Variants in DPH6 observed in about 807,000 individuals in gnomAD.
DPH6 encodes diphthine--ammonia ligase.
A neutral mutation model predicts 38.2 loss-of-function variants in DPH6; 33 were observed. That is an observed-to-expected ratio of 0.86 (90% CI 0.65 to 1.15). DPH6 has a LOEUF of 1.15. Ranked by LOEUF, DPH6 falls within the 50% of genes most tolerant of loss-of-function variation. The probability of loss-of-function intolerance (pLI) is 0.00; values close to 1 mark genes in which losing one functional copy is unlikely to be tolerated. For missense variants in DPH6, 325 were observed against 320.0 expected, an observed-to-expected ratio of 1.02 and a Z score of -0.12; for synonymous variants, 108 against 103.0, an observed-to-expected ratio of 1.05 and a Z score of -0.30.
chr15:35,385,534 T>A (rs188739125), intron 6 of DPH6, among the ~76,000 whole-genome samples: 81 of 152,196 alleles, frequency 5.3e-4, no homozygotes, highest in African/African-American at 1.9e-3. Flanking sequence ...AAACACTGCA[T>A]GTTCTCACTC....
intron 6 of DPH6, among the ~76,000 whole-genome samples, chr15:35,388,318 C>T (rs886934782): frequency 2.0e-5 from 3 of 152,080 alleles, no homozygotes; most frequent in African/African-American, 7.2e-5. Context: ...TTTGTGGTGT[C>T]TCTGCCAGGC....
At chr15:35,322,136 C>T (rs1388389947) in intron 3 of DPH6, among the ~76,000 whole-genome samples, 1 of 152,126 alleles carries the variant, frequency 6.6e-6, no homozygotes, top group African/African-American at 2.4e-5. Context: ...ATCTTAAAAA[C>T]CAATCTTAGC....
At chr15:35,325,496 C>T (rs1018695348) in intron 3 of DPH6, among the ~76,000 whole-genome samples, 1 of 152,106 alleles carries the variant, frequency 6.6e-6, no homozygotes, top group Non-Finnish European at 1.5e-5. Flanking sequence ...TTTACATCCA[C>T]AGTGCTGATT....
chr15:35,279,932 C>A (rs897312039), intron 3 of DPH6, among the ~76,000 whole-genome samples: 1 of 151,932 alleles, frequency 6.6e-6, no homozygotes, highest in African/African-American at 2.4e-5. Context: ...GGACTGATGA[C>A]CTTATATGAA....
the DPH6 span, among the ~76,000 whole-genome samples, chr15:35,188,487 A>G: frequency 3.9e-4 from 59 of 152,310 alleles, 1 homozygote; most frequent in South Asian, 0.012. Flanking sequence ...CAGAGGTCAA[A>G]CAGTACACTT....
chr15:35,192,250 A>C, the DPH6 span, among the ~76,000 whole-genome samples: 3 of 152,194 alleles, frequency 2.0e-5, no homozygotes, highest in Non-Finnish European at 2.9e-5. Flanking sequence ...AGCTCTGAGA[A>C]ACCTGTTTTC....
At chr15:35,390,758 A>G (rs2053043698) in intron 6 of DPH6, among the ~76,000 whole-genome samples, 3 of 151,988 alleles carry the variant, frequency 2.0e-5, no homozygotes, top group Admixed American at 2.0e-4. Context: ...TTTTTTTCAA[A>G]GTTTTTAACT....
At chr15:35,510,452 T>C (rs2054753919) in intron 3 of DPH6, among the ~76,000 whole-genome samples, 1 of 152,344 alleles carries the variant, frequency 6.6e-6, no homozygotes, top group East Asian at 1.9e-4. Context: ...TTTAAAAGCA[T>C]AACTGGAACA....
At chr15:35,537,300 G>C (rs539597869) in intron 3 of DPH6, among the ~76,000 whole-genome samples, 10 of 152,070 alleles carry the variant, frequency 6.6e-5, no homozygotes, top group Non-Finnish European at 1.5e-4. Flanking sequence ...TACCTTTGTA[G>C]AGGAAGGGAC....
At chr15:35,517,024 T>C (rs1299829065) in intron 3 of DPH6, among the ~76,000 whole-genome samples, 5 of 152,190 alleles carry the variant, frequency 3.3e-5, no homozygotes, top group Admixed American at 2.6e-4. Context: ...CATCATCACA[T>C]ACTTCAATAT....
chr15:35,272,333 G>A (rs557758048), intron 3 of DPH6, among the ~76,000 whole-genome samples: 59 of 152,242 alleles, frequency 3.9e-4, no homozygotes, highest in African/African-American at 1.2e-3. Context: ...GGTCCTGTAA[G>A]TTTTCCCCCA....
At chr15:35,155,830 G>A in the DPH6 span, among the ~76,000 whole-genome samples, 1 of 152,128 alleles carries the variant, frequency 6.6e-6, no homozygotes, top group African/African-American at 2.4e-5. Context: ...CTTATATGTA[G>A]AAATCACATT....
intron 3 of DPH6, among the ~76,000 whole-genome samples, chr15:35,337,293 C>T (rs8036384): frequency 0.36 from 55,109 of 151,856 alleles, 11,863 homozygotes; most frequent in African/African-American, 0.61. Context: ...GGTGGTGATA[C>T]CCCCTTTATC....
chr15:35,474,184 G>A (rs894340004), intron 3 of DPH6, among the ~76,000 whole-genome samples: 3 of 152,022 alleles, frequency 2.0e-5, no homozygotes, highest in African/African-American at 4.8e-5. Flanking sequence ...TTTGCCCTTA[G>A]CAAGTTTGGC....
intron 3 of DPH6, among the ~76,000 whole-genome samples, chr15:35,456,825 C>G (rs2141095041): frequency 6.6e-6 from 1 of 152,098 alleles, no homozygotes; most frequent in South Asian, 2.1e-4. Flanking sequence ...ATTTATTATC[C>G]ATTTGCCATT....
intron 2 of DPH6, among the ~76,000 whole-genome samples, chr15:35,541,314 A>G (rs1468066545): frequency 6.6e-6 from 1 of 152,110 alleles, no homozygotes; most frequent in Non-Finnish European, 1.5e-5. Flanking sequence ...GGCTAATCCA[A>G]ATTAGTTCAT....
chr15:35,293,347 T>C (rs576472470), intron 3 of DPH6, among the ~76,000 whole-genome samples: 1 of 152,354 alleles, frequency 6.6e-6, no homozygotes, highest in African/African-American at 2.4e-5. Flanking sequence ...GGAACTATTT[T>C]CTTTAAAAAA....
the DPH6 span, among the ~76,000 whole-genome samples, chr15:35,158,224 A>G: frequency 7.5e-6 from 1 of 133,422 alleles, no homozygotes; most frequent in African/African-American, 2.7e-5. Flanking sequence ...AAATGAGGGG[A>G]AAAAAGTGTG....
At chr15:35,339,668 C>T (rs1001517770) in intron 3 of DPH6, among the ~76,000 whole-genome samples, 1 of 152,120 alleles carries the variant, frequency 6.6e-6, no homozygotes, top group Non-Finnish European at 1.5e-5. Context: ...GCAGGTTGTA[C>T]AATATCCATG....
Sources: gnomAD v4.1 joint callset for allele counts (sites outside exome capture counted in the v4.1 genomes callset) on GRCh38, gnomAD v4.1.1 for gene constraint, MANE v1.5 for transcripts, NCBI Gene and HGNC (gene_info 2026-07-23, HGNC 2026-07-21) for gene names.